ALPK3: variants seen among roughly 807,000 people sequenced by gnomAD.
ALPK3 encodes alpha kinase 3, also known as alpha-protein kinase 3.
Under a neutral mutation model 140.0 loss-of-function variants are expected in ALPK3, and 102 were observed. That is an observed-to-expected ratio of 0.73 (90% CI 0.62 to 0.86). The LOEUF (loss-of-function observed/expected upper bound fraction) is 0.86, where lower values mean the gene tolerates loss of function less well. Among genes scored for constraint, ALPK3 ranks in the 40% least tolerant of loss-of-function variants. The pLI is 0.00. For synonymous variants in ALPK3, 938 were observed against 898.5 expected (o/e 1.04, Z -0.79); for missense variants, 2,254 against 2,208.2 (o/e 1.02, Z -0.42).
At chr15:84,853,717 C>T (rs1349608119) in intron 5 of ALPK3, among the ~76,000 whole-genome samples, 1 of 151,400 alleles carries the variant, frequency 6.6e-6, no homozygotes, top group Non-Finnish European at 1.5e-5. Flanking sequence ...TATGATCTTG[C>T]CTATAAATAG....
At chr15:84,855,537 C>A (rs1963851331) in intron 5 of ALPK3, among the ~76,000 whole-genome samples, 1 of 152,152 alleles carries the variant, frequency 6.6e-6, no homozygotes, top group Non-Finnish European at 1.5e-5. Context: ...TGTTGTACGC[C>A]ACCATGTTTG....
At chr15:84,863,428 C>T in intron 10 of ALPK3, 124 bp from the exon 11 acceptor site, 2 of 777,546 alleles carry the variant, frequency 2.6e-6, no homozygotes, top group East Asian at 2.8e-5. Flanking sequence ...AGCCCTTCCT[C>T]CCCCAGGGCT....
rs527572586 is a variant in ALPK3, at chr15:84,828,190, C to T, written c.304+585C>T. On this transcript the variant is annotated intron_variant, in intron 3 of 13. Coordinates refer to ENST00000258888, the MANE Select transcript of ALPK3 (RefSeq NM_020778.5). Reference sequence around the variant, plus strand: ...TTGAGACTGAATGAGTTAATACATGCAAAGTGTTTGGAGTAGTACCTTATG... The same window carrying T: ...TTGAGACTGAATGAGTTAATACATGTAAAGTGTTTGGAGTAGTACCTTATG... 4.6e-5 allele frequency among the ~76,000 whole-genome samples: 7 copies of T among 152,280 alleles called. No homozygotes were observed. In the South Asian group the frequency reaches 1.5e-3, roughly 32 times the overall value.
rs1297240612 is a variant in ALPK3 at position 84,852,632 on chromosome 15, G to C, written c.1654-3760G>C. 1.3e-5 allele frequency: 3 copies of C among 232,184 alleles called. No individual in the cohort carries two copies. The East Asian group carries it at 3.6e-4, about 28-fold the overall frequency. 14.4% of individuals were successfully genotyped at this position (232,184 alleles called of 1,614,324 possible). On this transcript the variant is annotated intron_variant, in intron 5 of 13. Coordinates refer to ENST00000258888, the MANE Select transcript of ALPK3 (RefSeq NM_020778.5). ...AAATGACCTATAAAATTTATCAATT[G>C]TTTATTTCTGGAATTTTTCATTTAA...
Position 84,857,925 on chromosome 15 carries a change from G to T in ALPK3, c.3187G>T (p.Gly1063Cys), listed in dbSNP as rs760651826. Residue 1063 changes from glycine to cysteine, a missense_variant, in exon 6 of 14, where the codon GGT becomes TGT. This residue lies in a region of ALPK3 where 2,088 missense variants were observed against 2,022.9 expected (regional missense o/e 1.03). Transcript: ENST00000258888. ...QALAAARGSW[G>C]PGPSSLTVPA... ...CCTTGCTGCTGCCCGAGGCTCCTGGGGTCCTGGTCCCAGCTCCCTCACTGT... is the reference window on the plus strand; with the variant it reads ...CCTTGCTGCTGCCCGAGGCTCCTGGTGTCCTGGTCCCAGCTCCCTCACTGT... 1 of 1,610,260 alleles carries T rather than the reference G, an allele frequency of 6.2e-7. No individual in the cohort carries two copies. The highest frequency in any genetic ancestry group is 8.5e-7 in the Non-Finnish European group (1 of 1,178,876).
In ALPK3 at chr15:84,840,126, G is replaced by A. The variant is rs1206172072; in HGVS notation, c.847G>A (p.Glu283Lys). The change falls in exon 5 of 14, where the codon GAG (glutamate) becomes AAG (lysine). Residue 283 changes from glutamate to lysine, a missense_variant. Physicochemically the swap from Glu to Lys is moderately conservative, Grantham distance 56. Around this residue, in one of 3 missense-constraint regions of ALPK3, gnomAD observed 2,088 missense variants for 2,022.9 expected, o/e 1.03. Coordinates refer to ENST00000258888, the MANE Select transcript of ALPK3 (RefSeq NM_020778.5). ...GACCACCAACGGGGAGGCTGCCCCC[G>A]AGAATGGAGAGGACGGAGAGCATGG... ...EVTTNGEAAP[E>K]NGEDGEHGLL... 1 of 1,614,134 alleles carries A rather than the reference G, an allele frequency of 6.2e-7. No individual in the cohort carries two copies. The highest frequency in any genetic ancestry group is 8.5e-7 in the Non-Finnish European group (1 of 1,180,016).
chr15:84,847,004 A>AT lies in ALPK3; in HGVS notation c.1653+6073dup, dbSNP rs1392899590. On this transcript the variant is annotated intron_variant, in intron 5 of 13. Transcript: ENST00000258888. ...GGTCTTGAACTCCTGACCTCAGGTG[A>AT]TCCACTCACCTCAGCCCCAAATATC... Among the ~76,000 whole-genome samples, 9 of 152,234 alleles carry AT rather than the reference A, an allele frequency of 5.9e-5. No individual in the cohort carries two copies. In the South Asian group the frequency reaches 1.7e-3, roughly 28 times the overall value.
intron 9 of ALPK3, among the ~76,000 whole-genome samples, chr15:84,862,047 C>T (rs1469735580): frequency 6.6e-6 from 1 of 152,138 alleles, no homozygotes; most frequent in East Asian, 1.9e-4. Context: ...TGGATTCACA[C>T]GATATTTCAG....
rs1963889880 is a variant in ALPK3, at chr15:84,858,087, G to A, written c.3349G>A (p.Glu1117Lys). 6.4e-7 allele frequency: 1 copy of A among 1,568,676 alleles called. No homozygotes were observed. Among genetic ancestry groups the A allele is most frequent in the Non-Finnish European group, 8.6e-7 (1 of 1,160,860 alleles). Residue 1117 changes from glutamate (E) to lysine (K), a missense_variant, in exon 6 of 14, where the codon GAG becomes AAG. Coordinates refer to ENST00000258888, the MANE Select transcript of ALPK3 (RefSeq NM_020778.5). ...QESSMAGRLG[E>K]AGGQAAPGQG... is the part of the protein sequence containing the mutation. The stretch of plus-strand genomic sequence containing the variant: ...GAGCAGCATGGCTGGTCGACTGGGG[G>A]AGGCGGGTGGGCAGGCAGCCCCTGG...
At position 84,868,327 on chromosome 15, in the gene ALPK3, T is replaced by G; in HGVS notation, c.4989T>G (p.Ser1663Arg). The stretch of plus-strand genomic sequence containing the variant: ...AGCCCCAGAAGAAAGGCCTCCCTAG[T>G]CCTCAGGGCACCCGGAAGAGTGCTC... ...SPQPQKKGLP[S>R]PQGTRKSAPS... is the part of the protein sequence containing the mutation. Residue 1663 changes from serine (S) to arginine (R), a missense_variant, in exon 14 of 14, where the codon AGT (serine) becomes AGG (arginine). Ser to Arg is a moderately radical substitution (Grantham distance 110, BLOSUM62 -1). Around this residue, in one of 3 missense-constraint regions of ALPK3, gnomAD observed 158 missense variants for 159.8 expected, o/e 0.99. Transcript: ENST00000258888. The G allele has an allele frequency of 6.2e-7, 1 of 1,614,042 alleles. No individual in the cohort carries two copies. Among genetic ancestry groups the G allele is most frequent in the East Asian group, 2.2e-5 (1 of 44,862 alleles).
rs1317876421 is a variant in ALPK3 at position 84,858,434 on chromosome 15, G to A, written c.3696G>A (p.Glu1232=). The A allele has an allele frequency of 3.2e-6, 5 of 1,563,726 alleles. No individual in the cohort carries two copies. Among genetic ancestry groups the A allele is most frequent in the Middle Eastern group, 1.7e-4 (1 of 5,936 alleles). Residue 1232 remains glutamate (E), a synonymous_variant, in exon 6 of 14, where the codon GAG becomes GAA. Coordinates refer to ENST00000258888, the MANE Select transcript of ALPK3 (RefSeq NM_020778.5). ...SMLEVPRAEE[E]LAAGDLGPSP... The stretch of plus-strand genomic sequence containing the variant: ...TGGAGGTGCCTCGGGCAGAGGAGGA[G>A]CTGGCGGCAGGAGACCTGGGCCCCA...
chr15:84,830,461 C>T (rs1963534968), intron 3 of ALPK3, among the ~76,000 whole-genome samples: 1 of 152,182 alleles, frequency 6.6e-6, no homozygotes, highest in Admixed American at 6.5e-5. Flanking sequence ...AAGGTCTGGA[C>T]CTTGCTCTCC....
At position 84,817,389 on chromosome 15, in the gene ALPK3, C is replaced by T; in HGVS notation, c.-64C>T. ...CGGCGGCGGGCAGGGGCCCGGGGGC[C>T]GGGGCCTGGAGGACAGGCGAGGCAG... On this transcript the variant is annotated 5_prime_UTR_variant, in exon 1 of 14. Transcript: ENST00000258888. 1 of 1,218,752 alleles carries T rather than the reference C, an allele frequency of 8.2e-7. No individual in the cohort carries two copies. The highest frequency in any genetic ancestry group is 4.0e-5 in the South Asian group (1 of 25,174). 75.5% of individuals were successfully genotyped at this position (1,218,752 alleles called of 1,614,324 possible).
At chr15:84,852,486 A>G (rs1963816321) in intron 5 of ALPK3, 4 of 228,620 alleles carry the variant, frequency 1.7e-5, no homozygotes, top group South Asian at 6.3e-5. Flanking sequence ...ACTATGTCAT[A>G]TAACACCTAT....
chr15:84,868,688 G>T lies in ALPK3; in HGVS notation c.*232G>T. ...TGCCACTGTCACCCAGGGCTCCCGG[G>T]CCTCAAGCAGTCCCCACCTCCAAGT... is the stretch of plus-strand genomic sequence containing the variant. On this transcript the variant is annotated 3_prime_UTR_variant, in exon 14 of 14. Transcript: ENST00000258888. The T allele has an allele frequency of 1.8e-6, 1 of 569,886 alleles. No individual in the cohort carries two copies. 35.3% of individuals were successfully genotyped at this position (569,886 alleles called of 1,614,324 possible).
intron 10 of ALPK3, among the ~76,000 whole-genome samples, 172 bp downstream of exon 10, chr15:84,863,087 A>T (rs1963967411): frequency 6.6e-6 from 1 of 152,112 alleles, no homozygotes; most frequent in African/African-American, 2.4e-5. Context: ...CAGAATTCAG[A>T]TGCTTGGCCT....
intron 5 of ALPK3, among the ~76,000 whole-genome samples, chr15:84,841,731 G>A (rs758803144): frequency 2.0e-5 from 3 of 152,126 alleles, no homozygotes; most frequent in Non-Finnish European, 4.4e-5. Flanking sequence ...GGGTGGCAGC[G>A]TTAAGGAGCT....
intron 4 of ALPK3, 127 bp from the exon 5 acceptor site, chr15:84,839,575 T>C: frequency 1.9e-6 from 2 of 1,041,084 alleles, no homozygotes; most frequent in Non-Finnish European, 2.8e-6. Context: ...AGATGGGGCG[T>C]AGCACACGGC....
intron 5 of ALPK3, among the ~76,000 whole-genome samples, chr15:84,852,130 C>T (rs1963811166): frequency 6.6e-6 from 1 of 152,022 alleles, no homozygotes; most frequent in South Asian, 2.1e-4. Flanking sequence ...AATTAGGCAC[C>T]GTAAGAGATT....
Sources: allele counts gnomAD v4.1 joint callset (sites outside exome capture counted in the v4.1 genomes callset), GRCh38; gene constraint gnomAD v4.1.1; regional missense constraint gnomAD v4.1.1; transcripts MANE v1.5; gene names NCBI Gene and HGNC (gene_info 2026-07-23, HGNC 2026-07-21).